SND1: variants seen among roughly 807,000 people sequenced by gnomAD.
SND1 encodes the protein staphylococcal nuclease and tudor domain containing 1.
In SND1, 38 loss-of-function variants were observed where a neutral mutation model predicts 121.7. The ratio of observed to expected loss-of-function variants is 0.31; its 90% confidence interval spans 0.24 to 0.41. SND1 has a LOEUF of 0.41. Among genes scored for constraint, SND1 ranks in the 10% least tolerant of loss-of-function variants. SND1 has a pLI of 1.00. For missense variants in SND1, 868 were observed against 1,184.6 expected (o/e 0.73, Z 3.92); for synonymous variants, 401 against 447.4 (o/e 0.90, Z 1.31).
intron 10 of SND1, among the ~76,000 whole-genome samples, chr7:127,768,436 A>G (rs1797457533): frequency 6.6e-6 from 1 of 152,214 alleles, no homozygotes. Context: ...ATTTCCATTT[A>G]TAATTGTGGC....
At chr7:127,901,906 A>C (rs998828919) in intron 13 of SND1, among the ~76,000 whole-genome samples, 4 of 152,356 alleles carry the variant, frequency 2.6e-5, no homozygotes, top group Non-Finnish European at 5.9e-5. Flanking sequence ...AGCATGAATA[A>C]TATTAATACT....
intron 10 of SND1, among the ~76,000 whole-genome samples, chr7:127,759,421 TA>T (rs1434750774): frequency 6.6e-6 from 1 of 152,214 alleles, no homozygotes; most frequent in African/African-American, 2.4e-5. Context: ...TGAGAGCTCT[TA>T]AAGCTAGTTC....
chr7:127,954,074 C>T (rs1415859996), intron 15 of SND1, among the ~76,000 whole-genome samples: 1 of 152,184 alleles, frequency 6.6e-6, no homozygotes, highest in Non-Finnish European at 1.5e-5. Context: ...GATGGACCTG[C>T]TGATTGATGC....
chr7:127,753,629 C>G (rs968217239), intron 10 of SND1, among the ~76,000 whole-genome samples: 1 of 152,080 alleles, frequency 6.6e-6, no homozygotes, highest in Non-Finnish European at 1.5e-5. Context: ...TCATTTCTGA[C>G]AAATATTTTG....
At chr7:127,778,006 A>G (rs1230682359) in intron 10 of SND1, among the ~76,000 whole-genome samples, 1 of 152,154 alleles carries the variant, frequency 6.6e-6, no homozygotes, top group African/African-American at 2.4e-5. Flanking sequence ...CTTTGCTAAA[A>G]TGAGGTGCCC....
chr7:127,982,575 A>T (rs79315587), intron 15 of SND1, among the ~76,000 whole-genome samples: 8,960 of 152,318 alleles, frequency 0.059, 776 homozygotes, highest in African/African-American at 0.19. Context: ...AAGGGAGAGA[A>T]TAAAGAATTT....
intron 15 of SND1, among the ~76,000 whole-genome samples, chr7:127,980,468 G>T (rs1472018768): frequency 6.6e-6 from 1 of 152,100 alleles, no homozygotes; most frequent in Non-Finnish European, 1.5e-5. Context: ...CTTGCTAAGA[G>T]TTTCTCAGCC....
intron 16 of SND1, chr7:127,997,543 C>T (rs1802694744): frequency 5.6e-6 from 2 of 357,344 alleles, no homozygotes; most frequent in East Asian, 7.3e-5. Context: ...TTCCCATTTG[C>T]TCATGTATGT....
At chr7:127,986,919 C>A (rs1163206376) in intron 15 of SND1, among the ~76,000 whole-genome samples, 1 of 152,192 alleles carries the variant, frequency 6.6e-6, no homozygotes, top group Non-Finnish European at 1.5e-5. Flanking sequence ...GTTTTGTCTT[C>A]TTTTGTGTTT....
At chr7:127,737,855 T>TA (rs1796805207) in intron 10 of SND1, among the ~76,000 whole-genome samples, 1 of 152,198 alleles carries the variant, frequency 6.6e-6, no homozygotes, top group South Asian at 2.1e-4. Flanking sequence ...CTGTATAACC[T>TA]AGAGTCCGCA....
intron 11 of SND1, among the ~76,000 whole-genome samples, chr7:127,833,067 A>G (rs1410207464): frequency 6.6e-6 from 1 of 151,922 alleles, no homozygotes; most frequent in African/African-American, 2.4e-5. Context: ...TAGAGTGTTG[A>G]CTCTTTTCAG....
chr7:127,996,782 C>G (rs1802669957), intron 16 of SND1, among the ~76,000 whole-genome samples: 1 of 152,046 alleles, frequency 6.6e-6, no homozygotes, highest in Non-Finnish European at 1.5e-5. Flanking sequence ...CAGCCACTGC[C>G]CAGGAAAAAG....
chr7:127,877,735 T>C (rs1332260082), intron 12 of SND1, among the ~76,000 whole-genome samples: 1 of 152,062 alleles, frequency 6.6e-6, no homozygotes, highest in African/African-American at 2.4e-5. Context: ...GTCCAGCCGA[T>C]CACCCACTTT....
At chr7:127,674,382 A>G (rs1343561946) in intron 1 of SND1, among the ~76,000 whole-genome samples, 2 of 152,240 alleles carry the variant, frequency 1.3e-5, no homozygotes, top group African/African-American at 2.4e-5. Flanking sequence ...CTTCTAATCC[A>G]ACAGGATTTT....
At chr7:127,902,380 G>A (rs1335089876) in intron 13 of SND1, among the ~76,000 whole-genome samples, 1 of 152,234 alleles carries the variant, frequency 6.6e-6, no homozygotes, top group Non-Finnish European at 1.5e-5. Flanking sequence ...GGTATGGTCA[G>A]GGTGGGAAGG....
chr7:127,857,720 A>G (rs1799307723), intron 12 of SND1: 1 of 602,086 alleles, frequency 1.7e-6, no homozygotes, highest in East Asian at 2.8e-5. Flanking sequence ...CCCACAACTA[A>G]AGGCTTTTAT....
In SND1 at chr7:127,862,776, G is replaced by T. The variant is rs116757739; in HGVS notation, c.1343+18352G>T. Reference sequence around the variant, plus strand: ...GGATGGATGGGTGCTCTCCCAGGCCGTGCACTGCTGCTGAAGAGGTGAACA... The same window carrying T: ...GGATGGATGGGTGCTCTCCCAGGCCTTGCACTGCTGCTGAAGAGGTGAACA... On this transcript the variant is annotated intron_variant, in intron 12 of 23. Coordinates refer to ENST00000354725, the MANE Select transcript of SND1 (RefSeq NM_014390.4). Among the ~76,000 whole-genome samples the T allele has an allele frequency of 5.0e-3, 767 of 152,288 alleles. 8 individuals are homozygous for T. The highest frequency in any genetic ancestry group is 0.018 in the African/African-American group (735 of 41,546).
At chr7:127,794,657 C>G (rs1179425227) in intron 10 of SND1, among the ~76,000 whole-genome samples, 1 of 152,144 alleles carries the variant, frequency 6.6e-6, no homozygotes, top group Admixed American at 6.5e-5. Flanking sequence ...GTTCTTTTCC[C>G]CTCTTCTGTA....
intron 12 of SND1, among the ~76,000 whole-genome samples, chr7:127,876,424 G>A (rs1799691980): frequency 6.6e-6 from 1 of 152,112 alleles, no homozygotes; most frequent in Middle Eastern, 3.2e-3. Flanking sequence ...GAAAAACACT[G>A]TAGGTTTGAG....
Sources: gnomAD v4.1 joint callset for allele counts (sites outside exome capture counted in the v4.1 genomes callset) on GRCh38, gnomAD v4.1.1 for gene constraint, MANE v1.5 for transcripts, NCBI Gene and HGNC (gene_info 2026-07-23, HGNC 2026-07-21) for gene names.